The following GRM8 variants were observed in gnomAD, a reference collection of about 807,000 sequenced individuals.
GRM8 encodes glutamate metabotropic receptor 8, also known as metabotropic glutamate receptor 8.
In GRM8, 47 loss-of-function variants were observed where a neutral mutation model predicts 87.2. That is an observed-to-expected ratio of 0.54 (90% CI 0.43 to 0.69). GRM8 has a LOEUF of 0.69. Ranked by LOEUF, GRM8 falls within the 30% of genes least tolerant of loss-of-function variation. The pLI is 0.00. For synonymous variants in GRM8, 396 were observed against 404.5 expected, an observed-to-expected ratio of 0.98 and a Z score of 0.25; for missense variants, 1,019 against 1,139.2, an observed-to-expected ratio of 0.89 and a Z score of 1.52.
intron 8 of GRM8, among the ~76,000 whole-genome samples, chr7:126,597,487 T>C (rs1797316123): frequency 6.6e-6 from 1 of 152,100 alleles, no homozygotes; most frequent in Non-Finnish European, 1.5e-5. Flanking sequence ...TTACCAGTTA[T>C]TCCTCCATCC....
intron 3 of GRM8, among the ~76,000 whole-genome samples, chr7:127,022,722 G>A (rs1229553837): frequency 2.0e-5 from 3 of 152,054 alleles, no homozygotes; most frequent in Admixed American, 6.6e-5. Flanking sequence ...TAATGCAAGA[G>A]TATTATACTT....
intron 6 of GRM8, among the ~76,000 whole-genome samples, chr7:126,842,285 T>C (rs745706132): frequency 1.4e-4 from 21 of 152,300 alleles, no homozygotes; most frequent in Non-Finnish European, 2.2e-4. Flanking sequence ...AATAGGATAC[T>C]GCAAACCAGA....
chr7:126,875,416 A>T (rs569171487), intron 6 of GRM8, among the ~76,000 whole-genome samples: 11 of 152,198 alleles, frequency 7.2e-5, no homozygotes, highest in Admixed American at 5.2e-4. Context: ...GACTGTGAAA[A>T]CCTCTTAGAC....
At chr7:126,620,627 G>C (rs1800047913) in intron 7 of GRM8, among the ~76,000 whole-genome samples, 1 of 151,986 alleles carries the variant, frequency 6.6e-6, no homozygotes, top group African/African-American at 2.4e-5. Context: ...ATCTGAGTAA[G>C]TTACCCTCCT....
chr7:127,088,763 G>A (rs756134286), intron 3 of GRM8, among the ~76,000 whole-genome samples: 3 of 152,186 alleles, frequency 2.0e-5, no homozygotes, highest in Non-Finnish European at 2.9e-5. Flanking sequence ...TTTAAGAAAT[G>A]ACACCTCTCT....
At chr7:126,751,511 T>C (rs1241220348) in intron 7 of GRM8, among the ~76,000 whole-genome samples, 4 of 152,080 alleles carry the variant, frequency 2.6e-5, no homozygotes, top group East Asian at 3.8e-4. Flanking sequence ...CTTGCATTAA[T>C]TGGAGCTGTG....
At chr7:127,204,660 AT>A (rs756100696) in intron 2 of GRM8, among the ~76,000 whole-genome samples, 6,985 of 147,580 alleles carry the variant, frequency 0.047, 267 homozygotes, top group African/African-American at 0.11. Flanking sequence ...TACTGTCCAA[AT>A]TTTTTTTTTT....
At chr7:126,608,426 G>A (rs1174491376) in intron 8 of GRM8, among the ~76,000 whole-genome samples, 1 of 152,172 alleles carries the variant, frequency 6.6e-6, no homozygotes, top group Non-Finnish European at 1.5e-5. Flanking sequence ...GGGTGATGGT[G>A]CGGCACCTGG....
At chr7:126,999,040 G>T (rs992798631) in intron 3 of GRM8, among the ~76,000 whole-genome samples, 4 of 151,890 alleles carry the variant, frequency 2.6e-5, no homozygotes, top group Non-Finnish European at 5.9e-5. Context: ...AAACAGCAGG[G>T]TGCTGGCATA....
intron 2 of GRM8, among the ~76,000 whole-genome samples, chr7:127,163,820 GA>G (rs1224742405): frequency 2.0e-5 from 3 of 152,060 alleles, no homozygotes; most frequent in Admixed American, 2.0e-4. Flanking sequence ...CCATCATAAA[GA>G]AATTTTTTAA....
intron 6 of GRM8, among the ~76,000 whole-genome samples, chr7:126,864,413 T>G (rs1034699439): frequency 3.3e-5 from 5 of 152,168 alleles, no homozygotes; most frequent in African/African-American, 7.2e-5. Flanking sequence ...TAGGTCTACG[T>G]ATTCCATCAT....
At chr7:127,217,928 C>G (rs1044529016) in intron 2 of GRM8, among the ~76,000 whole-genome samples, 1 of 152,154 alleles carries the variant, frequency 6.6e-6, no homozygotes, top group African/African-American at 2.4e-5. Context: ...CCGCCTCTGG[C>G]CAGTCTGAAG....
At chr7:126,752,169 G>C (rs1307700239) in intron 7 of GRM8, among the ~76,000 whole-genome samples, 1 of 152,056 alleles carries the variant, frequency 6.6e-6, no homozygotes, top group Non-Finnish European at 1.5e-5. Flanking sequence ...AGTGGCATGT[G>C]CCTGTATTCT....
At chr7:126,472,634 C>T (rs1412714434) in intron 9 of GRM8, among the ~76,000 whole-genome samples, 1 of 152,196 alleles carries the variant, frequency 6.6e-6, no homozygotes, top group Non-Finnish European at 1.5e-5. Context: ...TTCAAGCCAG[C>T]TGCAGAAGTT....
At chr7:126,804,714 C>A (rs749218409) in intron 6 of GRM8, among the ~76,000 whole-genome samples, 1 of 152,170 alleles carries the variant, frequency 6.6e-6, no homozygotes, top group Middle Eastern at 3.2e-3. Flanking sequence ...CCTTTCTTTA[C>A]GGCTGATTAC....
chr7:126,718,007 C>T lies in GRM8; in HGVS notation c.1357+51858G>A, dbSNP rs1052498360. 5.0e-4 allele frequency among the ~76,000 whole-genome samples: 76 copies of T among 151,890 alleles called. 1 individual carries two copies. Among genetic ancestry groups the T allele is most frequent in the African/African-American group, 1.6e-3 (68 of 41,416 alleles). ...CAGCACTTTGGGAGGCCAAGGCCGG[C>T]GGATCACAAGGTCAGGAGATCGAGA... On this transcript the variant is annotated intron_variant, in intron 7 of 10. Coordinates refer to ENST00000339582, the MANE Select transcript of GRM8 (RefSeq NM_000845.3).
At chr7:127,191,599 A>T (rs1383372348) in intron 2 of GRM8, among the ~76,000 whole-genome samples, 1 of 152,162 alleles carries the variant, frequency 6.6e-6, no homozygotes, top group Non-Finnish European at 1.5e-5. Flanking sequence ...GTAACCTGAA[A>T]GGTAATGTAG....
intron 3 of GRM8, among the ~76,000 whole-genome samples, chr7:127,072,905 C>A (rs1305513019): frequency 4.0e-5 from 6 of 151,840 alleles, no homozygotes; most frequent in African/African-American, 1.5e-4. Flanking sequence ...TGACAAGGCA[C>A]CAGGAGAGAC....
At chr7:127,117,634 A>G (rs1196813875) in intron 2 of GRM8, among the ~76,000 whole-genome samples, 1 of 152,258 alleles carries the variant, frequency 6.6e-6, no homozygotes, top group Non-Finnish European at 1.5e-5. Context: ...GTGTTATAAT[A>G]GAAAAACCAA....
Sources: gnomAD v4.1 joint callset for allele counts (sites outside exome capture counted in the v4.1 genomes callset) on GRCh38, gnomAD v4.1.1 for gene constraint, MANE v1.5 for transcripts, NCBI Gene and HGNC (gene_info 2026-07-23, HGNC 2026-07-21) for gene names.